MGMT: variants seen among roughly 807,000 people sequenced by gnomAD.
MGMT encodes methylated-DNA--protein-cysteine methyltransferase.
In MGMT, 14 loss-of-function variants were observed where a neutral mutation model predicts 15.9. The observed-to-expected ratio is 0.88, with a 90% CI of 0.58 to 1.37. The LOEUF (loss-of-function observed/expected upper bound fraction) is 1.37. Ranked by LOEUF, MGMT falls within the 40% of genes most tolerant of loss-of-function variation. The pLI, the probability that MGMT is intolerant of heterozygous loss-of-function variation, is 0.00. For missense variants in MGMT, 282 were observed against 268.1 expected, an observed-to-expected ratio of 1.05 and a Z score of -0.36; for synonymous variants, 130 against 118.2, an observed-to-expected ratio of 1.10 and a Z score of -0.65.
intron 2 of MGMT, among the ~76,000 whole-genome samples, chr10:129,577,939 C>T (rs1231055863): frequency 6.6e-6 from 1 of 152,150 alleles, no homozygotes; most frequent in Non-Finnish European, 1.5e-5. Context: ...AAAATGCTCA[C>T]CATCACTGGC....
chr10:129,539,240 T>G (rs1260691642), intron 2 of MGMT, among the ~76,000 whole-genome samples: 4 of 152,036 alleles, frequency 2.6e-5, no homozygotes, highest in Non-Finnish European at 5.9e-5. Flanking sequence ...AGCTTTGTAG[T>G]TTTTTTTATG....
intron 2 of MGMT, among the ~76,000 whole-genome samples, chr10:129,687,988 G>T (rs1257992223): frequency 1.3e-5 from 2 of 152,036 alleles, no homozygotes; most frequent in African/African-American, 4.8e-5. Context: ...GAGAATGATG[G>T]TTTCCAGCTT....
chr10:129,592,137 T>C (rs1346685626), intron 2 of MGMT, among the ~76,000 whole-genome samples: 4 of 152,114 alleles, frequency 2.6e-5, no homozygotes, highest in African/African-American at 9.7e-5. Context: ...GAGTGGCCAC[T>C]TTTTTCCTGG....
At chr10:129,521,581 T>C (rs1313986506) in intron 1 of MGMT, among the ~76,000 whole-genome samples, 2 of 152,178 alleles carry the variant, frequency 1.3e-5, no homozygotes, top group Non-Finnish European at 2.9e-5. Flanking sequence ...GAGACCCACC[T>C]CAGTCCTGCA....
intron 2 of MGMT, among the ~76,000 whole-genome samples, chr10:129,696,223 A>G (rs1467529386): frequency 6.6e-6 from 1 of 152,138 alleles, no homozygotes; most frequent in African/African-American, 2.4e-5. Context: ...AACTCAACAG[A>G]CTATTTACAG....
At chr10:129,562,401 C>T (rs924890199) in intron 2 of MGMT, among the ~76,000 whole-genome samples, 5 of 152,156 alleles carry the variant, frequency 3.3e-5, no homozygotes, top group South Asian at 2.1e-4. Context: ...GCCCTGGCCT[C>T]GTGGTACAAA....
intron 2 of MGMT, among the ~76,000 whole-genome samples, chr10:129,592,722 C>T (rs7096024): frequency 1.7e-4 from 26 of 151,904 alleles, no homozygotes; most frequent in South Asian, 6.2e-4. Flanking sequence ...GAAGCAGCTG[C>T]GAGAGTCCAC....
intron 2 of MGMT, among the ~76,000 whole-genome samples, chr10:129,696,187 C>T (rs1440113252): frequency 6.6e-6 from 1 of 152,104 alleles, no homozygotes; most frequent in Non-Finnish European, 1.5e-5. Context: ...GCATAGATGC[C>T]TTAGTGTAAC....
intron 2 of MGMT, among the ~76,000 whole-genome samples, chr10:129,613,084 G>A (rs1352642856): frequency 6.6e-6 from 1 of 152,192 alleles, no homozygotes; most frequent in Non-Finnish European, 1.5e-5. Context: ...TCTGGGATAG[G>A]GAAGCCATGC....
intron 1 of MGMT, among the ~76,000 whole-genome samples, chr10:129,506,867 T>C (rs1845630970): frequency 6.6e-6 from 1 of 152,230 alleles, no homozygotes; most frequent in African/African-American, 2.4e-5. Context: ...TCCTTGGATT[T>C]GGATGTTGTC....
At chr10:129,493,702 T>C (rs1467758829) in intron 1 of MGMT, among the ~76,000 whole-genome samples, 1 of 152,134 alleles carries the variant, frequency 6.6e-6, no homozygotes, top group Non-Finnish European at 1.5e-5. Flanking sequence ...AGGCCCAGTG[T>C]GGGATCTGGG....
chr10:129,507,793 G>T (rs182963753), intron 1 of MGMT, among the ~76,000 whole-genome samples: 17 of 152,306 alleles, frequency 1.1e-4, no homozygotes, highest in Admixed American at 8.5e-4. Context: ...TTAGTTACTT[G>T]TGAGATGGAG....
At chr10:129,495,451 G>A (rs1404966286) in intron 1 of MGMT, among the ~76,000 whole-genome samples, 2 of 152,108 alleles carry the variant, frequency 1.3e-5, no homozygotes, top group Non-Finnish European at 2.9e-5. Flanking sequence ...TTTACCCCAC[G>A]GATCAGAAGC....
intron 2 of MGMT, among the ~76,000 whole-genome samples, chr10:129,594,636 C>T (rs115039837): frequency 6.6e-6 from 1 of 152,178 alleles, no homozygotes; most frequent in Non-Finnish European, 1.5e-5. Flanking sequence ...TGAAATTGTT[C>T]CCATCAGCTC....
chr10:129,549,985 G>A (rs1177222566), intron 2 of MGMT, among the ~76,000 whole-genome samples: 1 of 151,940 alleles, frequency 6.6e-6, no homozygotes, highest in Non-Finnish European at 1.5e-5. Flanking sequence ...TGTTTATTTC[G>A]GTGGTTGGTT....
intron 2 of MGMT, among the ~76,000 whole-genome samples, chr10:129,558,949 C>T (rs1207166215): frequency 6.6e-6 from 1 of 152,182 alleles, no homozygotes. Flanking sequence ...CGTGTGCTCT[C>T]ATTTCACTCC....
At chr10:129,593,992 A>G (rs976930116) in intron 2 of MGMT, among the ~76,000 whole-genome samples, 2 of 152,178 alleles carry the variant, frequency 1.3e-5, no homozygotes, top group Non-Finnish European at 2.9e-5. Context: ...GATCCACATT[A>G]TATCAGTGTG....
At chr10:129,481,940 G>A (rs1845362671) in intron 1 of MGMT, among the ~76,000 whole-genome samples, 1 of 151,990 alleles carries the variant, frequency 6.6e-6, no homozygotes, top group Non-Finnish European at 1.5e-5. Flanking sequence ...GCTTTCTTGT[G>A]CTTACTTTCA....
chr10:129,505,158 A>T (rs1564836649), intron 1 of MGMT, among the ~76,000 whole-genome samples: 1 of 152,118 alleles, frequency 6.6e-6, no homozygotes, highest in Non-Finnish European at 1.5e-5. Flanking sequence ...AACTAGTAGG[A>T]TTTTTTCCAG....
Sources: gnomAD v4.1 joint callset for allele counts (sites outside exome capture counted in the v4.1 genomes callset) on GRCh38, gnomAD v4.1.1 for gene constraint, MANE v1.5 for transcripts, NCBI Gene and HGNC (gene_info 2026-07-23, HGNC 2026-07-21) for gene names.